DZIP1L: variants seen among roughly 807,000 people sequenced by gnomAD.
The protein encoded by DZIP1L is DAZ interacting zinc finger protein 1 like, also known as cilium assembly protein DZIP1L.
DZIP1L carries 90 observed loss-of-function variants against 88.7 expected under a neutral mutation model. The observed-to-expected ratio is 1.02, with a 90% CI of 0.86 to 1.21. DZIP1L has a LOEUF of 1.21. Among genes scored for constraint, DZIP1L ranks in the 50% most tolerant of loss-of-function variants. The pLI, the probability that DZIP1L is intolerant of heterozygous loss-of-function variation, is 0.00. For synonymous variants in DZIP1L, 363 were observed against 372.1 expected (o/e 0.98, Z 0.28); for missense variants, 932 against 955.8 (o/e 0.98, Z 0.33).
chr3:138,104,173 C>T, intron 1 of DZIP1L, 121 bp from the exon 2 acceptor site: 1 of 936,746 alleles, frequency 1.1e-6, no homozygotes, highest in Non-Finnish European at 1.5e-6. Context: ...CTGTAGCATT[C>T]ATGGTGTGTG....
In DZIP1L at chr3:138,067,848, T is replaced by C. The variant is rs527823008; in HGVS notation, c.1833-148A>G. ...GCCCAGAAGACAGCCAGGAGACCCC[T>C]GGAGTGCAGCAGCCACACCAGTATC... On this transcript the variant is annotated intron_variant, in intron 13 of 15. Transcript: ENST00000327532. 1.3e-5 allele frequency: 12 copies of C among 919,124 alleles called. No individual in the cohort carries two copies. The African/African-American group carries it at 1.7e-4, about 13-fold the overall frequency. 56.9% of individuals were successfully genotyped at this position (919,124 alleles called of 1,614,324 possible).
chr3:138,076,678 T>C (rs1943425132), intron 11 of DZIP1L, among the ~76,000 whole-genome samples: 1 of 152,154 alleles, frequency 6.6e-6, no homozygotes. Context: ...ACATCGTATG[T>C]TCTCACTCCT....
In DZIP1L at chr3:138,064,283, G is replaced by A. The variant is rs370775817; in HGVS notation, c.2142+345C>T. 38 of 1,032,826 alleles carry A rather than the reference G, an allele frequency of 3.7e-5. No homozygotes were observed. The East Asian group carries it at 1.6e-3, about 45-fold the overall frequency. 64.0% of individuals were successfully genotyped at this position (1,032,826 alleles called of 1,614,324 possible). A position where few individuals can be genotyped will look rare whatever the true frequency, so the allele number is the denominator to read the frequency against. Reference sequence around the variant, plus strand: ...TGGCAGAGTGAGGGACTGGGGAGGAGCCCACTGTGGGATGAGACCGGGCTG... The same window carrying A: ...TGGCAGAGTGAGGGACTGGGGAGGAACCCACTGTGGGATGAGACCGGGCTG... On this transcript the variant is annotated intron_variant, in intron 15 of 15. Coordinates refer to ENST00000327532, the MANE Select transcript of DZIP1L (RefSeq NM_173543.3).
intron 13 of DZIP1L, 23 bp from the exon 14 acceptor site, chr3:138,067,723 T>G (rs776877516): frequency 6.5e-7 from 1 of 1,529,140 alleles, no homozygotes; most frequent in East Asian, 2.5e-5. Context: ...GGAGAAGAAA[T>G]GAGGGATGCA....
intron 12 of DZIP1L, chr3:138,068,865 C>G (rs1015827621): frequency 5.8e-6 from 7 of 1,206,152 alleles, no homozygotes; most frequent in Non-Finnish European, 7.2e-6. Flanking sequence ...TGGACACAGC[C>G]CCTCTGTTTT....
chr3:138,092,273 G>A, intron 5 of DZIP1L, 110 bp downstream of exon 5: 1 of 1,229,210 alleles, frequency 8.1e-7, no homozygotes, highest in Non-Finnish European at 1.1e-6. Flanking sequence ...TGGCCTCACA[G>A]TGTTTTAGCT....
Position 138,103,608 on chromosome 3 carries a change from G to A in DZIP1L, c.364C>T (p.Gln122Ter), listed in dbSNP as rs1391121308. 3.2e-5 allele frequency: 52 copies of A among 1,605,966 alleles called. No homozygotes were observed. The highest frequency in any genetic ancestry group is 8.0e-5 in the African/African-American group (6 of 74,900). Residue 122 changes from glutamine (Q) to a stop codon, truncating the protein, a stop_gained, in exon 2 of 16, where the codon CAG becomes TAG. Coordinates refer to ENST00000327532, the MANE Select transcript of DZIP1L (RefSeq NM_173543.3). LOFTEE classifies it high-confidence loss of function. ...EARLQTSLGQQQRGQQELGRQ... is the reference protein window; with the variant it reads ...EARLQTSLGQ ...CCCAGCTCCTGCTGACCACGCTGCT[G>A]CTGGCCCAGGCTGGTCTGCAGCCGT...
chr3:138,101,582 A>T lies in DZIP1L; in HGVS notation c.501+1889T>A, dbSNP rs1407670288. The T allele has an allele frequency of 3.7e-6, 3 of 806,548 alleles. No individual in the cohort carries two copies. In the East Asian group the frequency reaches 7.2e-5, roughly 19 times the overall value. 50.0% of individuals were successfully genotyped at this position (806,548 alleles called of 1,614,324 possible). ...CTGGTGGAGCTGGTGCGGCTGAAGG[A>T]GCTGGAGCCTGCGCCAGAGCCAAAG... On this transcript the variant is annotated intron_variant, in intron 2 of 15. Coordinates refer to ENST00000327532, the MANE Select transcript of DZIP1L (RefSeq NM_173543.3).
chr3:138,089,669 T>TA (rs1485493760), intron 5 of DZIP1L, among the ~76,000 whole-genome samples: 1 of 152,224 alleles, frequency 6.6e-6, no homozygotes, highest in Non-Finnish European at 1.5e-5. Context: ...TGCTGGTTTT[T>TA]ACCCTTAAAA....
intron 15 of DZIP1L, 190 bp downstream of exon 15, chr3:138,064,438 T>G (rs1399198009): frequency 1.9e-6 from 3 of 1,556,242 alleles, no homozygotes; most frequent in Non-Finnish European, 2.6e-6. Flanking sequence ...TAATGTTAAC[T>G]TGGATACAAG....
intron 11 of DZIP1L, among the ~76,000 whole-genome samples, chr3:138,075,118 T>C (rs549726616): frequency 2.6e-5 from 4 of 152,310 alleles, no homozygotes; most frequent in Admixed American, 1.3e-4. Context: ...ATTCTAAATA[T>C]ATATGCACCT....
At chr3:138,068,854 T>A in intron 12 of DZIP1L, 1 of 1,177,238 alleles carries the variant, frequency 8.5e-7, no homozygotes, top group Non-Finnish European at 1.1e-6. Context: ...AGGCAGGCAA[T>A]TGGACACAGC....
At chr3:138,088,135 G>A (rs1944033061) in intron 6 of DZIP1L, among the ~76,000 whole-genome samples, 1 of 152,194 alleles carries the variant, frequency 6.6e-6, no homozygotes, top group Non-Finnish European at 1.5e-5. Flanking sequence ...TGGGGCAAAG[G>A]TGCCAAATAA....
At chr3:138,082,845 A>T (rs1378208422) in intron 8 of DZIP1L, among the ~76,000 whole-genome samples, 1 of 152,198 alleles carries the variant, frequency 6.6e-6, no homozygotes, top group African/African-American at 2.4e-5. Context: ...AAGTCTTGGG[A>T]AGGGACCTTT....
intron 8 of DZIP1L, among the ~76,000 whole-genome samples, chr3:138,082,170 A>G (rs1943692326): frequency 6.6e-6 from 1 of 152,208 alleles, no homozygotes; most frequent in Admixed American, 6.5e-5. Context: ...GGGAGGAAGG[A>G]GTCAGACACA....
intron 1 of DZIP1L, among the ~76,000 whole-genome samples, chr3:138,110,841 A>G (rs1418325389): frequency 6.6e-6 from 1 of 152,268 alleles, no homozygotes; most frequent in Admixed American, 6.5e-5. Flanking sequence ...GAGTGTGATC[A>G]AAGAGAGGAA....
intron 10 of DZIP1L, 110 bp downstream of exon 10, chr3:138,080,457 A>G (rs1943595301): frequency 7.4e-6 from 9 of 1,213,604 alleles, no homozygotes; most frequent in Non-Finnish European, 1.1e-5. Context: ...AGATCCCTCC[A>G]CTCCAGCTTC....
chr3:138,098,277 G>A (rs1944570430), intron 2 of DZIP1L, among the ~76,000 whole-genome samples: 1 of 152,186 alleles, frequency 6.6e-6, no homozygotes, highest in South Asian at 2.1e-4. Flanking sequence ...ACTGCCCATG[G>A]GTTGATACTG....
chr3:138,103,181 A>G (rs1251718032), intron 2 of DZIP1L, among the ~76,000 whole-genome samples: 1 of 151,976 alleles, frequency 6.6e-6, no homozygotes. Context: ...CACACTCGCC[A>G]TACATTCATG....
Sources: allele counts gnomAD v4.1 joint callset (sites outside exome capture counted in the v4.1 genomes callset), GRCh38; gene constraint gnomAD v4.1.1; transcripts MANE v1.5; gene names NCBI Gene and HGNC (gene_info 2026-07-23, HGNC 2026-07-21).